Variants in TAX1BP1 observed in about 807,000 individuals in gnomAD.
The protein encoded by TAX1BP1 is tax1-binding protein 1.
In TAX1BP1, 62 loss-of-function variants were observed where a neutral mutation model predicts 97.7. The observed-to-expected ratio is 0.63, with a 90% CI of 0.52 to 0.78. The LOEUF (loss-of-function observed/expected upper bound fraction) is 0.78, where lower values mean the gene tolerates loss of function less well. Among genes scored for constraint, TAX1BP1 ranks in the 30% least tolerant of loss-of-function variants. TAX1BP1 has a pLI of 0.00. For synonymous variants in TAX1BP1, 340 were observed against 304.2 expected (o/e 1.12, Z -1.23); for missense variants, 867 against 916.1 (o/e 0.95, Z 0.69).
intron 8 of TAX1BP1, 119 bp from the exon 9 acceptor site, chr7:27,791,887 T>C (rs557506469): frequency 1.2e-6 from 1 of 835,264 alleles, no homozygotes; most frequent in African/African-American, 1.7e-5. Context: ...CTGTAAGTCA[T>C]GAGTAGAAAA....
At chr7:27,749,908 C>A (rs1787960348) in intron 2 of TAX1BP1, among the ~76,000 whole-genome samples, 1 of 152,124 alleles carries the variant, frequency 6.6e-6, no homozygotes, top group South Asian at 2.1e-4. Flanking sequence ...CCTTTCCCCG[C>A]AGCCTTCCAA....
chr7:27,746,886 A>C (rs1787841910), intron 1 of TAX1BP1, among the ~76,000 whole-genome samples: 1 of 152,206 alleles, frequency 6.6e-6, no homozygotes, highest in South Asian at 2.1e-4. Flanking sequence ...ACACAAGAAG[A>C]AAGTTGATAT....
At chr7:27,749,398 A>G (rs1265608138) in intron 2 of TAX1BP1, among the ~76,000 whole-genome samples, 4 of 152,242 alleles carry the variant, frequency 2.6e-5, no homozygotes, top group Non-Finnish European at 4.4e-5. Flanking sequence ...AAACACATTC[A>G]CTTTTCTCCT....
chr7:27,750,437 T>G (rs1787979525), intron 2 of TAX1BP1, among the ~76,000 whole-genome samples: 1 of 152,206 alleles, frequency 6.6e-6, no homozygotes, highest in Non-Finnish European at 1.5e-5. Flanking sequence ...ACTTCTGGTC[T>G]CAAGCATTTC....
intron 7 of TAX1BP1, among the ~76,000 whole-genome samples, chr7:27,786,698 A>G (rs969100181): frequency 3.3e-5 from 5 of 152,240 alleles, no homozygotes; most frequent in Non-Finnish European, 5.9e-5. Flanking sequence ...TCAGGAGTTA[A>G]TATTCTATCC....
rs954792934 is a variant in TAX1BP1, at chr7:27,765,772, T to C, written c.266-62T>C. ...ATGAGACATGGCAAGTATTGTTAAA[T>C]TGAAATAACATGAATTTTATAATAG... On this transcript the variant is annotated intron_variant, in intron 3 of 16. Coordinates refer to ENST00000396319, the MANE Select transcript of TAX1BP1 (RefSeq NM_006024.7). 4.9e-6 allele frequency: 7 copies of C among 1,427,448 alleles called. No homozygotes were observed. The African/African-American group carries it at 7.1e-5, about 14-fold the overall frequency. The allele number at this position is 1,427,448 out of a possible 1,614,324, so 88.4% of individuals were successfully genotyped here. A position where few individuals can be genotyped will look rare whatever the true frequency, so the allele number is the denominator to read the frequency against.
intron 13 of TAX1BP1, among the ~76,000 whole-genome samples, chr7:27,814,988 C>T (rs567161686): frequency 1.4e-3 from 207 of 152,308 alleles, no homozygotes; most frequent in Non-Finnish European, 2.0e-3. Context: ...CCATCCGCCT[C>T]GGGCTCCCAA....
Position 27,758,568 on chromosome 7 carries a change from G to A in TAX1BP1, c.265+435G>A, listed in dbSNP as rs559343397. 7.2e-5 allele frequency among the ~76,000 whole-genome samples: 11 copies of A among 152,104 alleles called. 1 individual carries two copies. The highest frequency in any genetic ancestry group is 3.4e-3 in the Middle Eastern group (1 of 294). On this transcript the variant is annotated intron_variant, in intron 3 of 16. Coordinates refer to ENST00000396319, the MANE Select transcript of TAX1BP1 (RefSeq NM_006024.7). ...AGTTCCTTTATTATAAAATGATAAA[G>A]TAATATAAAATTCATTTTTGTGTTA...
chr7:27,785,802 G>A (rs1789457154), intron 7 of TAX1BP1, among the ~76,000 whole-genome samples: 3 of 152,170 alleles, frequency 2.0e-5, no homozygotes, highest in African/African-American at 7.2e-5. Flanking sequence ...CTCAGAGTGA[G>A]TGATCCAGGA....
In TAX1BP1 at chr7:27,798,481, T is replaced by C. The variant is rs192803236; in HGVS notation, c.1639-1484T>C. 3.3e-3 allele frequency among the ~76,000 whole-genome samples: 500 copies of C among 151,998 alleles called. 6 individuals are homozygous for C. Among genetic ancestry groups the C allele is most frequent in the African/African-American group, 0.012 (477 of 41,434 alleles). ...GAGTTTGTGACCAGCCTGGCTAATA[T>C]GGTGAAACCCTTTCTCTACTAAAAA... is the stretch of plus-strand genomic sequence containing the variant. On this transcript the variant is annotated intron_variant, in intron 12 of 16. Transcript: ENST00000396319.
At chr7:27,812,234 A>G (rs949706083) in intron 13 of TAX1BP1, among the ~76,000 whole-genome samples, 3 of 152,078 alleles carry the variant, frequency 2.0e-5, no homozygotes, top group Non-Finnish European at 4.4e-5. Context: ...TTTAGTTTTA[A>G]TTTCCCTGAT....
At chr7:27,793,922 G>T (rs1789814802) in intron 10 of TAX1BP1, among the ~76,000 whole-genome samples, 1 of 152,188 alleles carries the variant, frequency 6.6e-6, no homozygotes, top group African/African-American at 2.4e-5. Flanking sequence ...TTTTAAATCA[G>T]AGGAGACAAG....
intron 7 of TAX1BP1, among the ~76,000 whole-genome samples, chr7:27,786,190 G>A (rs1191420660): frequency 6.7e-6 from 1 of 150,256 alleles, no homozygotes; most frequent in African/African-American, 2.5e-5. Flanking sequence ...GAAGTGCAGT[G>A]GTGCGATCTC....
intron 8 of TAX1BP1, among the ~76,000 whole-genome samples, chr7:27,790,040 A>C (rs1465511730): frequency 1.3e-5 from 2 of 152,004 alleles, no homozygotes; most frequent in African/African-American, 4.8e-5. Context: ...TTATAAAAAA[A>C]TTTAAACAGT....
chr7:27,812,359 G>A (rs1287483437), intron 13 of TAX1BP1, among the ~76,000 whole-genome samples: 4 of 152,070 alleles, frequency 2.6e-5, no homozygotes, highest in African/African-American at 9.7e-5. Flanking sequence ...ATCTTTGGTT[G>A]CGACAGTTCT....
In TAX1BP1 at chr7:27,817,044, T is replaced by C. The variant is rs755148653; in HGVS notation, c.2085+6T>C. ...AGGACTCTGAGGATAGCAAAGTAAA[T>C]TGAATTTTCATTGTGTGAGCCTGTC... On this transcript the variant is annotated splice_donor_region_variant and intron_variant, in intron 15 of 16. Coordinates refer to ENST00000396319, the MANE Select transcript of TAX1BP1 (RefSeq NM_006024.7). The C allele has an allele frequency of 2.5e-6, 4 of 1,600,658 alleles. No individual in the cohort carries two copies. Among genetic ancestry groups the C allele is most frequent in the Admixed American group, 1.8e-5 (1 of 54,526 alleles).
At chr7:27,785,964 C>T (rs1340778972) in intron 7 of TAX1BP1, among the ~76,000 whole-genome samples, 2 of 152,002 alleles carry the variant, frequency 1.3e-5, no homozygotes, top group African/African-American at 2.4e-5. Flanking sequence ...TATCACAATT[C>T]ATGTAACTAT....
chr7:27,781,620 G>A (rs1388378986), intron 5 of TAX1BP1, among the ~76,000 whole-genome samples: 1 of 152,192 alleles, frequency 6.6e-6, no homozygotes, highest in African/African-American at 2.4e-5. Context: ...TTCAGGGAGT[G>A]AGTAGTGAGT....
At chr7:27,827,583 A>G (rs1791225404) in intron 15 of TAX1BP1, among the ~76,000 whole-genome samples, 155 bp from the exon 16 acceptor site, 1 of 152,240 alleles carries the variant, frequency 6.6e-6, no homozygotes, top group Admixed American at 6.5e-5. Flanking sequence ...CAAAGTTTCA[A>G]ACATGTTTAT....
Sources: allele counts gnomAD v4.1 joint callset (sites outside exome capture counted in the v4.1 genomes callset), GRCh38; gene constraint gnomAD v4.1.1; transcripts MANE v1.5; gene names NCBI Gene and HGNC (gene_info 2026-07-23, HGNC 2026-07-21).